The following PDE1C variants were observed in gnomAD, a reference collection of about 807,000 sequenced individuals.
PDE1C encodes dual specificity calcium/calmodulin-dependent 3',5'-cyclic nucleotide phosphodiesterase 1C.
PDE1C carries 62 observed loss-of-function variants against 93.1 expected under a neutral mutation model. The observed-to-expected ratio is 0.67, with a 90% confidence interval of 0.54 to 0.82. The LOEUF (loss-of-function observed/expected upper bound fraction) is 0.82, where lower values mean the gene tolerates loss of function less well. PDE1C is among the 40% of genes least tolerant of loss of function. The pLI, the probability that PDE1C is intolerant of heterozygous loss-of-function variation, is 0.00. For synonymous variants in PDE1C, 325 were observed against 310.1 expected, an observed-to-expected ratio of 1.05 and a Z score of -0.50; for missense variants, 742 against 884.6, an observed-to-expected ratio of 0.84 and a Z score of 2.04.
At chr7:32,142,521 A>G (rs1800600130) in intron 3 of PDE1C, among the ~76,000 whole-genome samples, 1 of 152,090 alleles carries the variant, frequency 6.6e-6, no homozygotes, top group African/African-American at 2.4e-5. Flanking sequence ...CCCACAGAAA[A>G]ACTGCACTTC....
intron 1 of PDE1C, among the ~76,000 whole-genome samples, chr7:32,308,313 C>A (rs1428493088): frequency 6.6e-6 from 1 of 152,236 alleles, no homozygotes. Flanking sequence ...GGGCAGGGCA[C>A]AGACAAACAA....
the PDE1C span, among the ~76,000 whole-genome samples, chr7:31,673,718 T>C: frequency 1.3e-5 from 2 of 152,142 alleles, no homozygotes; most frequent in African/African-American, 4.8e-5. Context: ...ACTAGTTTTT[T>C]TTTTTTTAAT....
At chr7:32,320,780 A>G (rs1178248556) in intron 1 of PDE1C, among the ~76,000 whole-genome samples, 3 of 152,238 alleles carry the variant, frequency 2.0e-5, no homozygotes, top group African/African-American at 7.2e-5. Context: ...AAACTTAGAA[A>G]AGCAGAGCAA....
rs190022648 is a variant in PDE1C at position 32,199,134 on chromosome 7, A to T, written c.136+10355T>A. On this transcript the variant is annotated intron_variant, in intron 2 of 18. Coordinates refer to the PDE1C transcript ENST00000396193. Reference sequence around the variant, plus strand: ...GCAAAACTACCAAAAATAAAAATTTAAAAAAAAAAACAAAACACTAAACTC... The same window carrying T: ...GCAAAACTACCAAAAATAAAAATTTTAAAAAAAAAACAAAACACTAAACTC... Among the ~76,000 whole-genome samples, 904 of 126,960 alleles carry T rather than the reference A, an allele frequency of 7.1e-3. 8 individuals are homozygous for T. The highest frequency in any genetic ancestry group is 0.021 in the African/African-American group (794 of 38,272). 83.3% of individuals were successfully genotyped at this position (126,960 alleles called of 152,430 possible).
At chr7:31,692,595 A>G in the PDE1C span, 1 of 1,445,600 alleles carries the variant, frequency 6.9e-7, no homozygotes, top group Non-Finnish European at 9.7e-7. Flanking sequence ...TTTGGTTTGC[A>G]GGCAAGTCAG....
intron 3 of PDE1C, among the ~76,000 whole-genome samples, chr7:32,166,014 C>T (rs1257821438): frequency 1.3e-5 from 2 of 151,096 alleles, no homozygotes; most frequent in Non-Finnish European, 2.9e-5. Context: ...CAAATCCAAC[C>T]TCAGTATGAC....
At chr7:31,704,981 C>A in the PDE1C span, among the ~76,000 whole-genome samples, 1 of 152,112 alleles carries the variant, frequency 6.6e-6, no homozygotes, top group Non-Finnish European at 1.5e-5. Context: ...TAAGGCTCAT[C>A]CTAAGCAATG....
At chr7:31,746,461 T>C (rs1007150732), downstream of PDE1C, among the ~76,000 whole-genome samples, 4 of 152,062 alleles carry the variant, frequency 2.6e-5, no homozygotes, top group East Asian at 7.7e-4. Context: ...AGCAAGTCAT[T>C]AGGAGTGCAG....
chr7:31,939,695 A>G (rs144631173), intron 2 of PDE1C, among the ~76,000 whole-genome samples: 164 of 152,324 alleles, frequency 1.1e-3, no homozygotes, highest in African/African-American at 3.6e-3. Flanking sequence ...AGGAAAGAAG[A>G]TAGTCACTAA....
intron 1 of PDE1C, among the ~76,000 whole-genome samples, chr7:32,246,704 A>G (rs74974864): frequency 6.6e-6 from 1 of 152,236 alleles, no homozygotes; most frequent in Non-Finnish European, 1.5e-5. Flanking sequence ...TACAAGTTCA[A>G]ACACTGGCTC....
At chr7:32,297,811 C>T (rs1324813964) in intron 1 of PDE1C, among the ~76,000 whole-genome samples, 1 of 152,172 alleles carries the variant, frequency 6.6e-6, no homozygotes, top group Non-Finnish European at 1.5e-5. Context: ...GGTAGCATGA[C>T]ATATGATCCC....
At chr7:32,247,332 A>G (rs1278575057) in intron 1 of PDE1C, among the ~76,000 whole-genome samples, 1 of 125,402 alleles carries the variant, frequency 8.0e-6, no homozygotes, top group Non-Finnish European at 1.8e-5. Flanking sequence ...GTATGAGGGT[A>G]AGGGCTCCTG....
In PDE1C at chr7:31,986,631, A is replaced by G. The variant is rs573276197; in HGVS notation, c.128+64923T>C. Among the ~76,000 whole-genome samples the G allele has an allele frequency of 2.0e-5, 3 of 152,256 alleles. No individual in the cohort carries two copies. The East Asian group carries it at 5.8e-4, about 29-fold the overall frequency. On this transcript the variant is annotated intron_variant, in intron 2 of 17. Coordinates refer to ENST00000396191, the MANE Select transcript of PDE1C (RefSeq NM_001191057.4). The stretch of plus-strand genomic sequence containing the variant: ...GCACAGAGAGAAGGCCATGTGAAGC[A>G]GGAGGAAGAGACCTGAGTGATGAGA...
chr7:32,025,628 T>C (rs1327854941), intron 2 of PDE1C, among the ~76,000 whole-genome samples: 3 of 152,048 alleles, frequency 2.0e-5, no homozygotes, highest in African/African-American at 7.2e-5. Flanking sequence ...GCATCATAAA[T>C]GAGACGAAGA....
intron 3 of PDE1C, among the ~76,000 whole-genome samples, chr7:32,107,580 C>G (rs567056561): frequency 2.0e-4 from 30 of 152,072 alleles, no homozygotes; most frequent in Admixed American, 2.0e-3. Flanking sequence ...AAGTGAAGAA[C>G]AAATAGGCTT....
chr7:32,270,374 G>T (rs1810879125), intron 1 of PDE1C, among the ~76,000 whole-genome samples: 1 of 151,440 alleles, frequency 6.6e-6, no homozygotes, highest in Non-Finnish European at 1.5e-5. Flanking sequence ...TAAGGCCCAA[G>T]AAAATGCTTT....
intron 3 of PDE1C, among the ~76,000 whole-genome samples, chr7:32,085,854 C>G (rs1379848939): frequency 2.7e-5 from 4 of 145,664 alleles, no homozygotes; most frequent in African/African-American, 1.0e-4. Context: ...GGACGTATCT[C>G]AAAATAATCA....
the PDE1C span, among the ~76,000 whole-genome samples, chr7:31,630,256 A>AC: frequency 6.6e-6 from 1 of 151,580 alleles, no homozygotes; most frequent in South Asian, 2.1e-4. Flanking sequence ...AAAAAAAAAA[A>AC]AAAAAACATT....
intron 16 of PDE1C, among the ~76,000 whole-genome samples, chr7:31,797,362 C>T (rs142670221): frequency 2.1e-4 from 32 of 151,810 alleles, no homozygotes; most frequent in African/African-American, 7.2e-4. Context: ...CCTTCCTAGA[C>T]CTAAGAAATA....
Sources: allele counts gnomAD v4.1 joint callset (sites outside exome capture counted in the v4.1 genomes callset), GRCh38; gene constraint gnomAD v4.1.1; transcripts MANE v1.5; gene names NCBI Gene and HGNC (gene_info 2026-07-23, HGNC 2026-07-21).